The following AMMECR1 variants were observed in gnomAD, a reference collection of about 807,000 sequenced individuals.
AMMECR1 encodes nuclear protein AMMECR1.
Under a neutral mutation model 22.5 loss-of-function variants are expected in AMMECR1, and 3 were observed. The observed-to-expected ratio is 0.13, with a 90% confidence interval of 0.06 to 0.35. AMMECR1 has a LOEUF of 0.35. AMMECR1 is among the 10% of genes least tolerant of loss of function. The pLI is 1.00. For missense variants in AMMECR1, 235 were observed against 278.7 expected, an observed-to-expected ratio of 0.84 and a Z score of 1.12; for synonymous variants, 130 against 116.7, an observed-to-expected ratio of 1.11 and a Z score of -0.74.
intron 1 of AMMECR1, among the ~76,000 whole-genome samples, chrX:110,298,846 T>A (rs2067951137): frequency 8.9e-6 from 1 of 111,923 alleles, no homozygotes; most frequent in Admixed American, 9.5e-5. Flanking sequence ...TCTATACATA[T>A]TTTAAAAAAC....
At chrX:110,316,491 G>A (rs780880653) in intron 1 of AMMECR1, among the ~76,000 whole-genome samples, 13 of 109,895 alleles carry the variant, frequency 1.2e-4, no homozygotes, top group Admixed American at 3.9e-4. Flanking sequence ...AAAAGCAATT[G>A]CACTTTTTCT....
intron 1 of AMMECR1, among the ~76,000 whole-genome samples, chrX:110,284,378 G>T (rs756886390): frequency 8.9e-6 from 1 of 111,853 alleles, no homozygotes; most frequent in Non-Finnish European, 1.9e-5. Context: ...AGGGAAGTTT[G>T]GTTTTGTGTT....
intron 2 of AMMECR1, among the ~76,000 whole-genome samples, chrX:110,261,493 T>A (rs1023150460): frequency 9.0e-6 from 1 of 111,455 alleles, no homozygotes; most frequent in Non-Finnish European, 1.9e-5. Context: ...GAATCACCAA[T>A]TTTTATGTTC....
intron 2 of AMMECR1, among the ~76,000 whole-genome samples, chrX:110,422,443 G>A (rs1036482087): frequency 8.9e-6 from 1 of 112,551 alleles, no homozygotes; most frequent in African/African-American, 3.2e-5. Flanking sequence ...GGCCAGATAC[G>A]AGACCAGGAG....
chrX:110,378,382 C>T (rs1390484638), intron 2 of AMMECR1, among the ~76,000 whole-genome samples: 3 of 111,509 alleles, frequency 2.7e-5, no homozygotes, highest in Non-Finnish European at 5.6e-5. Context: ...AGCAGCCACT[C>T]CACATCCAAT....
intron 1 of AMMECR1, among the ~76,000 whole-genome samples, chrX:110,310,968 G>A (rs931983827): frequency 8.9e-6 from 1 of 111,802 alleles, no homozygotes; most frequent in African/African-American, 3.3e-5. Context: ...ACTATAAGCA[G>A]ATACAAGATC....
intron 1 of AMMECR1, chrX:110,305,355 T>G (rs1055871193): frequency 9.8e-5 from 11 of 112,489 alleles, no homozygotes; most frequent in African/African-American, 3.6e-4. Flanking sequence ...TTTAAAAGCC[T>G]GTAAGCAAAG....
intron 2 of AMMECR1, among the ~76,000 whole-genome samples, chrX:110,423,678 T>C (rs1464722453): frequency 8.9e-6 from 1 of 112,584 alleles, no homozygotes; most frequent in Non-Finnish European, 1.9e-5. Flanking sequence ...TCAGGCCCTG[T>C]ACTTGTCTTT....
At chrX:110,244,996 A>G (rs1368598064) in intron 2 of AMMECR1, among the ~76,000 whole-genome samples, 1 of 112,266 alleles carries the variant, frequency 8.9e-6, no homozygotes, top group African/African-American at 3.2e-5. Flanking sequence ...ATTCAGCTGT[A>G]CAAGTTCAAC....
rs747846216 is a variant in AMMECR1 at position 110,317,855 on chromosome X, G to C, written c.217C>G (p.Pro73Ala). ...GSGSGCTLSP[P>A]QGCGGGGGGI... ...CCGCCGCCGCCGCCGCAGCCCTGGG[G>C]GGGAGAGAGGGTACAGCCGCTGCCG... The change falls in exon 1 of 6, where the codon CCC (proline) becomes GCC (alanine). Residue 73 changes from proline (P) to alanine (A), a missense_variant. Coordinates refer to ENST00000262844, the MANE Select transcript of AMMECR1 (RefSeq NM_015365.3). 20 of 1,175,643 alleles carry C rather than the reference G, an allele frequency of 1.7e-5. No homozygotes were observed. The highest frequency in any genetic ancestry group is 3.1e-5 in the East Asian group (1 of 32,011).
At chrX:110,391,554 T>C (rs1252926896) in intron 2 of AMMECR1, among the ~76,000 whole-genome samples, 2 of 112,324 alleles carry the variant, frequency 1.8e-5, no homozygotes, top group Non-Finnish European at 3.8e-5. Flanking sequence ...CTCTGGCTTT[T>C]GCTCAGGCTA....
Position 110,271,594 on chromosome X carries a change from A to G in AMMECR1, c.474-6995T>C, listed in dbSNP as rs774040339. Among the ~76,000 whole-genome samples, 7 of 112,327 alleles carry G rather than the reference A, an allele frequency of 6.2e-5. No homozygotes were observed. The East Asian group carries it at 2.0e-3, about 31-fold the overall frequency. On this transcript the variant is annotated intron_variant, in intron 1 of 5. Transcript: ENST00000262844. Reference sequence around the variant, plus strand: ...CAATTTTCAGCAAACGAAAAAAAAAATTAGTCCCAGATTTGATATGCTGAG... The same window carrying G: ...CAATTTTCAGCAAACGAAAAAAAAAGTTAGTCCCAGATTTGATATGCTGAG...
chrX:110,289,315 A>G (rs2067896222), intron 1 of AMMECR1, among the ~76,000 whole-genome samples: 1 of 111,548 alleles, frequency 9.0e-6, no homozygotes, highest in African/African-American at 3.3e-5. Context: ...GAATGAGGGA[A>G]AAAGTCAAGA....
At chrX:110,358,960 C>T (rs1317292015) in intron 2 of AMMECR1, 3 of 111,744 alleles carry the variant, frequency 2.7e-5, no homozygotes. Context: ...TCTTCTATAA[C>T]GCTCTATATG....
At chrX:110,300,742 T>C (rs775231701) in intron 1 of AMMECR1, among the ~76,000 whole-genome samples, 1 of 112,375 alleles carries the variant, frequency 8.9e-6, no homozygotes, top group South Asian at 3.7e-4. Flanking sequence ...TCAGTTTTAA[T>C]TCTGGAAAAC....
At chrX:110,306,998 T>G (rs967657642) in intron 1 of AMMECR1, 2 of 110,505 alleles carry the variant, frequency 1.8e-5, no homozygotes, top group Non-Finnish European at 3.8e-5. Context: ...AGCACTTCAG[T>G]AGGCAGAGGC....
intron 1 of AMMECR1, among the ~76,000 whole-genome samples, chrX:110,308,573 GT>G (rs749752544): frequency 5.4e-5 from 6 of 111,208 alleles, no homozygotes; most frequent in Non-Finnish European, 1.1e-4. Flanking sequence ...TCTTGTGAGG[GT>G]TTTTTGAATG....
At chrX:110,303,215 C>T (rs1352733032) in intron 1 of AMMECR1, among the ~76,000 whole-genome samples, 1 of 111,364 alleles carries the variant, frequency 9.0e-6, no homozygotes, top group Non-Finnish European at 1.9e-5. Flanking sequence ...TATGTGTAGC[C>T]CAATGGAGAC....
chrX:110,383,571 A>G (rs2068435077), intron 2 of AMMECR1, among the ~76,000 whole-genome samples: 1 of 111,234 alleles, frequency 9.0e-6, no homozygotes, highest in African/African-American at 3.3e-5. Context: ...CCTAAACTCC[A>G]GTCATACTGA....
Sources: allele counts gnomAD v4.1 joint callset (sites outside exome capture counted in the v4.1 genomes callset), GRCh38; gene constraint gnomAD v4.1.1; transcripts MANE v1.5; gene names NCBI Gene and HGNC (gene_info 2026-07-23, HGNC 2026-07-21).